The following ALMS1 variants were observed in gnomAD, a reference collection of about 807,000 sequenced individuals.
ALMS1 encodes the protein centrosome-associated protein ALMS1.
Under a neutral mutation model 352.2 loss-of-function variants are expected in ALMS1, and 271 were observed. That is an observed-to-expected ratio of 0.77 (90% CI 0.70 to 0.85). The LOEUF (loss-of-function observed/expected upper bound fraction) is 0.85, where lower values mean the gene tolerates loss of function less well. ALMS1 is among the 40% of genes least tolerant of loss of function. The probability of loss-of-function intolerance (pLI) is 0.00; values close to 1 mark genes in which losing one functional copy is unlikely to be tolerated. For missense variants in ALMS1, 5,445 were observed against 4,870.7 expected (o/e 1.12, Z -3.51); for synonymous variants, 1,865 against 1,761.2 (o/e 1.06, Z -1.48).
Position 73,592,738 on chromosome 2 carries a change from A to G in ALMS1, c.11548-6663A>G, listed in dbSNP as rs566364077. On this transcript the variant is annotated intron_variant, in intron 16 of 22. Coordinates refer to ENST00000613296, the MANE Select transcript of ALMS1 (RefSeq NM_001378454.1). ...AAGATCAGTTTCCACCTAACAAGTA[A>G]TTTTTTAATTGAAAAGCTTTTATTT... 3.3e-5 allele frequency among the ~76,000 whole-genome samples: 5 copies of G among 152,194 alleles called. No individual in the cohort carries two copies. In the South Asian group the frequency reaches 1.0e-3, roughly 32 times the overall value.
intron 1 of ALMS1, among the ~76,000 whole-genome samples, chr2:73,404,782 GA>G (rs1670939990): frequency 6.6e-6 from 1 of 150,720 alleles, no homozygotes; most frequent in African/African-American, 2.4e-5. Flanking sequence ...TGGCCTCATA[GA>G]ATGATTTGGA....
In ALMS1 at chr2:73,452,139, T is replaced by A; in HGVS notation, c.5612T>A (p.Val1871Glu). The A allele has an allele frequency of 1.2e-6, 2 of 1,607,850 alleles. No individual in the cohort carries two copies. The highest frequency in any genetic ancestry group is 2.2e-5 in the South Asian group (2 of 90,762). ...YEQELPDLTE[V>E]TLKAIGVPGP... ...CAGGAGTTGCCAGATCTTACTGAAG[T>A]AACTTTGAAAGCAATAGGGGTTCCT... The change falls in exon 8 of 23, where the codon GTA (valine) becomes GAA (glutamate). Residue 1871 changes from valine to glutamate, a missense_variant. Transcript: ENST00000613296.
chr2:73,399,936 GTTTT>G (rs1382540969), intron 1 of ALMS1, among the ~76,000 whole-genome samples: 2 of 119,128 alleles, frequency 1.7e-5, no homozygotes, highest in African/African-American at 3.2e-5. Context: ...TATATTAATT[GTTTT>G]TTTTTTTTTT....
intron 9 of ALMS1, among the ~76,000 whole-genome samples, chr2:73,488,060 G>A (rs774775496): frequency 5.9e-5 from 9 of 152,292 alleles, no homozygotes; most frequent in South Asian, 2.1e-4. Flanking sequence ...TCCTTTCTGC[G>A]AAACTGGCAG....
intron 1 of ALMS1, among the ~76,000 whole-genome samples, chr2:73,397,532 A>T (rs1362139484): frequency 6.6e-6 from 1 of 152,024 alleles, no homozygotes; most frequent in African/African-American, 2.4e-5. Flanking sequence ...CAATGGCATT[A>T]TCTTGGCTCA....
chr2:73,546,463 G>A (rs575982331), intron 12 of ALMS1, among the ~76,000 whole-genome samples: 5 of 152,148 alleles, frequency 3.3e-5, no homozygotes, highest in Non-Finnish European at 2.9e-5. Flanking sequence ...ACTGTGGTAG[G>A]TGTTACAATT....
In ALMS1 at chr2:73,491,436, A is replaced by G. The variant is rs759377981; in HGVS notation, c.9477A>G (p.Gln3159=). 3.1e-6 allele frequency: 5 copies of G among 1,614,048 alleles called. No individual in the cohort carries two copies. The African/African-American group carries it at 5.3e-5, about 17-fold the overall frequency. Reference sequence around the variant, plus strand: ...AGATAGTAACCTCCAGGCAAATACAAGTGAACATTTCAGATTTCGAAGGAC... The same window carrying G: ...AGATAGTAACCTCCAGGCAAATACAGGTGAACATTTCAGATTTCGAAGGAC... ...NSQIVTSRQI[Q]VNISDFEGHS... The change falls in exon 10 of 23, where the codon CAA becomes CAG. Residue 3159 remains glutamine, a synonymous_variant. Coordinates refer to ENST00000613296, the MANE Select transcript of ALMS1 (RefSeq NM_001378454.1).
At position 73,600,699 on chromosome 2, in the gene ALMS1, G is replaced by T. The variant is rs778839231; in HGVS notation, c.11690G>T (p.Gly3897Val). ...IQAGNLEIVN[G>V]AKKHTRDVGI... ...TCAGGTAACTTGGAGATTGTGAACG[G>T]TGCCAAAAAACACACTCGAGATGTT... The change falls in exon 18 of 23, where the codon GGT becomes GTT. Residue 3897 changes from glycine to valine, a missense_variant. Transcript: ENST00000613296. 6.2e-7 allele frequency: 1 copy of T among 1,613,784 alleles called. No individual in the cohort carries two copies. The highest frequency in any genetic ancestry group is 1.1e-5 in the South Asian group (1 of 91,018).
chr2:73,518,546 T>C (rs1401057378), intron 10 of ALMS1, among the ~76,000 whole-genome samples: 1 of 152,168 alleles, frequency 6.6e-6, no homozygotes, highest in East Asian at 1.9e-4. Context: ...GCCACACTGC[T>C]TTCTACAATG....
At chr2:73,485,807 G>A (rs1004907880) in intron 9 of ALMS1, among the ~76,000 whole-genome samples, 15 of 152,176 alleles carry the variant, frequency 9.9e-5, no homozygotes, top group Admixed American at 4.6e-4. Flanking sequence ...TTGGAAAAGC[G>A]CAGTATTCGG....
At chr2:73,519,679 C>T (rs1457094876) in intron 10 of ALMS1, 96 bp from the exon 11 acceptor site, 1 of 1,503,560 alleles carries the variant, frequency 6.7e-7, no homozygotes, top group Non-Finnish European at 9.2e-7. Flanking sequence ...ATTCCTATAG[C>T]TACTTAAATA....
Position 73,519,904 on chromosome 2 carries a change from A to C in ALMS1, c.9669A>C (p.Glu3223Asp), listed in dbSNP as rs376206840. The C allele has an allele frequency of 3.8e-5, 62 of 1,614,026 alleles. No individual in the cohort carries two copies. The highest frequency in any genetic ancestry group is 4.8e-5 in the Non-Finnish European group (57 of 1,179,986). ...CATCTGAGATTTTTATTAATGCTGA[A>C]GATCGTGGACATGAAATTATAGAGC... ...LFSSEIFINA[E>D]DRGHEIIEPG... Residue 3223 changes from glutamate to aspartate, a missense_variant, in exon 11 of 23, where the codon GAA becomes GAC. Coordinates refer to ENST00000613296, the MANE Select transcript of ALMS1 (RefSeq NM_001378454.1).
chr2:73,557,168 G>A, intron 13 of ALMS1, 52 bp from the exon 14 acceptor site: 1 of 1,611,652 alleles, frequency 6.2e-7, no homozygotes, highest in Non-Finnish European at 8.5e-7. Flanking sequence ...TTACTTGTCT[G>A]TTGTGTTTAT....
At chr2:73,412,536 T>A (rs1264835146) in intron 2 of ALMS1, among the ~76,000 whole-genome samples, 1 of 152,208 alleles carries the variant, frequency 6.6e-6, no homozygotes, top group East Asian at 1.9e-4. Flanking sequence ...ACGCCTGTAA[T>A]CCCAGCACTT....
intron 7 of ALMS1, among the ~76,000 whole-genome samples, chr2:73,439,059 C>T (rs759999179): frequency 4.0e-5 from 6 of 148,960 alleles, no homozygotes; most frequent in Non-Finnish European, 9.0e-5. Context: ...TCCTCCTGCT[C>T]CTCCTCTTTC....
chr2:73,588,826 A>G (rs1675362029), intron 16 of ALMS1, among the ~76,000 whole-genome samples: 2 of 152,130 alleles, frequency 1.3e-5, no homozygotes, highest in South Asian at 2.1e-4. Flanking sequence ...ATGTTTATTA[A>G]TGTTTCATAT....
At chr2:73,463,948 TAATC>T (rs1342455820) in intron 9 of ALMS1, among the ~76,000 whole-genome samples, 2 of 152,198 alleles carry the variant, frequency 1.3e-5, no homozygotes, top group African/African-American at 4.8e-5. Context: ...ATTGAGGCAA[TAATC>T]AATAGCTTAC....
In ALMS1 at chr2:73,573,078, C is replaced by A; in HGVS notation, c.11201C>A (p.Ser3734Tyr). 6.2e-7 allele frequency: 1 copy of A among 1,614,060 alleles called. No homozygotes were observed. The highest frequency in any genetic ancestry group is 8.5e-7 in the Non-Finnish European group (1 of 1,180,014). ...GGTTTTAATTATATAAGCAACACTT[C>A]TTCGGATTGTCGGCCCTCAGAGGAG... ...QPGFNYISNTSSDCRPSEESE... is the reference protein window; with the variant it reads ...QPGFNYISNTYSDCRPSEESE... The change falls in exon 16 of 23, where the codon TCT (serine) becomes TAT (tyrosine). Residue 3734 changes from serine to tyrosine, a missense_variant. Transcript: ENST00000613296.
chr2:73,486,056 G>C (rs1672836113), intron 9 of ALMS1, among the ~76,000 whole-genome samples: 1 of 151,996 alleles, frequency 6.6e-6, no homozygotes, highest in South Asian at 2.1e-4. Context: ...GCTGGGAGCT[G>C]TAGACCGGAG....
Sources: allele counts gnomAD v4.1 joint callset (sites outside exome capture counted in the v4.1 genomes callset), GRCh38; gene constraint gnomAD v4.1.1; transcripts MANE v1.5; gene names NCBI Gene and HGNC (gene_info 2026-07-23, HGNC 2026-07-21).